Variants in LRP1B observed in about 807,000 individuals in gnomAD.
The protein encoded by LRP1B is low-density lipoprotein receptor-related protein 1B.
A neutral mutation model predicts 556.6 loss-of-function variants in LRP1B; 217 were observed. That is an observed-to-expected ratio of 0.39 (90% CI 0.35 to 0.44). The LOEUF (loss-of-function observed/expected upper bound fraction) is 0.44. Ranked by LOEUF, LRP1B falls within the 20% of genes least tolerant of loss-of-function variation. The probability of loss-of-function intolerance (pLI) is 1.00; values close to 1 mark genes in which losing one functional copy is unlikely to be tolerated. For synonymous variants in LRP1B, 2,047 were observed against 1,865.8 expected (o/e 1.10, Z -2.50); for missense variants, 5,053 against 5,620.8 (o/e 0.90, Z 3.23).
At chr2:140,628,562 T>C (rs1366369979) in intron 41 of LRP1B, among the ~76,000 whole-genome samples, 3 of 151,286 alleles carry the variant, frequency 2.0e-5, no homozygotes, top group Non-Finnish European at 2.9e-5. Flanking sequence ...ATTATGTCTA[T>C]CCAAGCTCAC....
chr2:141,315,352 C>T (rs1468317710), intron 3 of LRP1B, among the ~76,000 whole-genome samples: 1 of 141,994 alleles, frequency 7.0e-6, no homozygotes, highest in Non-Finnish European at 1.5e-5. Context: ...CTCTGCCTCT[C>T]GGGTTCATCC....
At chr2:140,799,076 G>A (rs756772668) in intron 32 of LRP1B, among the ~76,000 whole-genome samples, 5 of 151,990 alleles carry the variant, frequency 3.3e-5, no homozygotes, top group South Asian at 2.1e-4. Flanking sequence ...TTAAATAAAC[G>A]CATATATATG....
intron 1 of LRP1B, among the ~76,000 whole-genome samples, chr2:142,073,699 T>TCC (rs1409260395): frequency 3.3e-5 from 5 of 152,148 alleles, no homozygotes; most frequent in African/African-American, 9.6e-5. Flanking sequence ...TCAATTGTAA[T>TCC]CCCCATTGTT....
At position 141,013,729 on chromosome 2, in the gene LRP1B, C is replaced by T; in HGVS notation, c.2207G>A (p.Arg736Lys). The T allele has an allele frequency of 6.3e-7, 1 of 1,579,598 alleles. No individual in the cohort carries two copies. Among genetic ancestry groups the T allele is most frequent in the Admixed American group, 1.8e-5 (1 of 54,084 alleles). Residue 736 changes from arginine to lysine, a missense_variant, in exon 14 of 91, where the codon AGA becomes AAA. Coordinates refer to ENST00000389484, the MANE Select transcript of LRP1B (RefSeq NM_018557.3). Reference sequence around the variant, plus strand: ...CAGTCCGAAAGGGTGGTTCAACTCTCTCCCACTGTAAACAATCTGTAAAAT... The same window carrying T: ...CAGTCCGAAAGGGTGGTTCAACTCTTTCCCACTGTAAACAATCTGTAAAAT... ...GTHRKIVYSGRELNHPFGLSH... is the reference protein window; with the variant it reads ...GTHRKIVYSGKELNHPFGLSH...
chr2:141,663,913 G>C (rs542710069), intron 2 of LRP1B, among the ~76,000 whole-genome samples: 1 of 125,624 alleles, frequency 8.0e-6, no homozygotes, highest in African/African-American at 3.1e-5. Flanking sequence ...ACCTTGCAGA[G>C]ATACATCAAA....
intron 18 of LRP1B, among the ~76,000 whole-genome samples, chr2:140,960,319 T>C (rs985333682): frequency 6.6e-6 from 1 of 151,838 alleles, no homozygotes; most frequent in Non-Finnish European, 1.5e-5. Flanking sequence ...CGATTATAAA[T>C]GGTTTCTAAG....
chr2:141,767,257 A>G lies in LRP1B; in HGVS notation c.205+43022T>C, dbSNP rs112542683. Among the ~76,000 whole-genome samples the G allele has an allele frequency of 3.0e-3, 463 of 152,186 alleles. 2 individuals carry two copies. The highest frequency in any genetic ancestry group is 0.011 in the African/African-American group (447 of 41,536). On this transcript the variant is annotated intron_variant, in intron 2 of 90. Transcript: ENST00000389484. The stretch of plus-strand genomic sequence containing the variant: ...GATGGTGAAGGAAAGCTATGCAAGG[A>G]AAGTATAAGGAGCTAAAGTATTAAG...
At chr2:141,676,936 G>A (rs1464287949) in intron 2 of LRP1B, among the ~76,000 whole-genome samples, 7 of 152,090 alleles carry the variant, frequency 4.6e-5, no homozygotes, top group Non-Finnish European at 1.0e-4. Context: ...AACTACTAGA[G>A]ATATGAGTTC....
chr2:142,122,690 T>C (rs2105014702), intron 1 of LRP1B, among the ~76,000 whole-genome samples: 1 of 152,144 alleles, frequency 6.6e-6, no homozygotes, highest in South Asian at 2.1e-4. Context: ...GTGGGCACAA[T>C]CTGTAGTGCT....
intron 3 of LRP1B, among the ~76,000 whole-genome samples, chr2:141,321,403 C>T (rs1032651558): frequency 1.3e-5 from 2 of 152,080 alleles, no homozygotes; most frequent in African/African-American, 4.8e-5. Flanking sequence ...TTTTGCTATA[C>T]TGACTTAATG....
At chr2:141,316,608 G>T (rs901622438) in intron 3 of LRP1B, among the ~76,000 whole-genome samples, 7 of 152,118 alleles carry the variant, frequency 4.6e-5, no homozygotes, top group Non-Finnish European at 7.3e-5. Flanking sequence ...TAGTCACTCA[G>T]TTGAGGAAAA....
In LRP1B at chr2:140,247,117, T is replaced by A. The variant is rs1558923471; in HGVS notation, c.13293A>T (p.Pro4431=). 1.9e-6 allele frequency: 3 copies of A among 1,609,524 alleles called. No individual in the cohort carries two copies. Among genetic ancestry groups the A allele is most frequent in the Non-Finnish European group, 2.5e-6 (3 of 1,176,816 alleles). The change falls in exon 87 of 91, where the codon CCA becomes CCT. Residue 4431 remains proline, a synonymous_variant. Transcript: ENST00000389484. ...TGATATGATCAGACTTGCTGCTCTT[T>A]GGGGCTGGCCTTTCACACTGTGTGC... The part of the protein sequence containing the change: ...WSGTQCERPA[P]KSSKSDHIST...
At chr2:140,449,824 C>CAAA (rs1686813472) in intron 63 of LRP1B, among the ~76,000 whole-genome samples, 1 of 152,136 alleles carries the variant, frequency 6.6e-6, no homozygotes, top group African/African-American at 2.4e-5. Flanking sequence ...CAAATTATGG[C>CAAA]AACCATGTAC....
At chr2:141,329,922 T>A (rs1022362214) in intron 3 of LRP1B, among the ~76,000 whole-genome samples, 8 of 152,134 alleles carry the variant, frequency 5.3e-5, no homozygotes, top group Non-Finnish European at 1.2e-4. Flanking sequence ...CTACCTACTC[T>A]ACGCTCAACG....
intron 1 of LRP1B, among the ~76,000 whole-genome samples, chr2:142,115,610 T>TAC (rs1454879175): frequency 0.018 from 351 of 18,994 alleles, 73 homozygotes; most frequent in African/African-American, 0.052. Flanking sequence ...GTAATATATA[T>TAC]TATATATATG....
chr2:141,275,963 TAA>T (rs1349742837), intron 3 of LRP1B, among the ~76,000 whole-genome samples: 4 of 152,122 alleles, frequency 2.6e-5, no homozygotes, highest in Non-Finnish European at 5.9e-5. Context: ...CAAAACTGAT[TAA>T]GTTAAAAATA....
intron 3 of LRP1B, among the ~76,000 whole-genome samples, chr2:141,409,532 C>T (rs1690771142): frequency 6.6e-6 from 1 of 152,086 alleles, no homozygotes; most frequent in Non-Finnish European, 1.5e-5. Context: ...TGGCCCGTAA[C>T]ACACTCCTGA....
intron 2 of LRP1B, among the ~76,000 whole-genome samples, chr2:141,523,230 C>T (rs1371115460): frequency 1.3e-5 from 2 of 152,062 alleles, no homozygotes; most frequent in South Asian, 2.1e-4. Context: ...GAGATTAGTA[C>T]ATTTTAATAT....
rs780105998 is a variant in LRP1B at position 141,254,657 on chromosome 2, A to G, written c.344-16T>C. The G allele has an allele frequency of 5.6e-5, 89 of 1,579,868 alleles. No individual in the cohort carries two copies. The highest frequency in any genetic ancestry group is 7.6e-5 in the Non-Finnish European group (88 of 1,152,960). On this transcript the variant is annotated splice_polypyrimidine_tract_variant and intron_variant, in intron 3 of 90. Coordinates refer to ENST00000389484, the MANE Select transcript of LRP1B (RefSeq NM_018557.3). ...GATAACAGTTCTGTAGAGAAAAAAC[A>G]AATATATTCTCTATATTTAACTGTA...
Sources: gnomAD v4.1 joint callset for allele counts (sites outside exome capture counted in the v4.1 genomes callset) on GRCh38, gnomAD v4.1.1 for gene constraint, MANE v1.5 for transcripts, NCBI Gene and HGNC (gene_info 2026-07-23, HGNC 2026-07-21) for gene names.